RORA: variants seen among roughly 807,000 people sequenced by gnomAD.
RORA encodes RAR related orphan receptor A.
Under a neutral mutation model 69.5 loss-of-function variants are expected in RORA, and 7 were observed. The observed-to-expected ratio is 0.10, with a 90% CI of 0.06 to 0.19. RORA has a LOEUF of 0.19. Among genes scored for constraint, RORA ranks in the 10% least tolerant of loss-of-function variants. The pLI, the probability that RORA is intolerant of heterozygous loss-of-function variation, is 1.00. For missense variants in RORA, 457 were observed against 663.0 expected (o/e 0.69, Z 3.41); for synonymous variants, 261 against 240.8 (o/e 1.08, Z -0.78).
At chr15:60,964,385 G>T (rs905549146) in intron 1 of RORA, among the ~76,000 whole-genome samples, 1 of 152,188 alleles carries the variant, frequency 6.6e-6, no homozygotes, top group Non-Finnish European at 1.5e-5. Flanking sequence ...GGTATGGCTG[G>T]TGGAAGGTTG....
intron 1 of RORA, among the ~76,000 whole-genome samples, chr15:61,141,426 C>T (rs532047982): frequency 1.4e-3 from 207 of 152,146 alleles, no homozygotes; most frequent in Non-Finnish European, 2.2e-3. Flanking sequence ...TTAGGACTAG[C>T]GAGAGACACC....
At chr15:60,566,606 G>C (rs1442912346) in intron 2 of RORA, among the ~76,000 whole-genome samples, 7 of 152,200 alleles carry the variant, frequency 4.6e-5, no homozygotes. Flanking sequence ...TTGGGGAGAT[G>C]ACTAGATGAA....
rs968422536 is a variant in RORA at position 61,227,687 on chromosome 15, C to T, written c.166+1366G>A. 8.5e-5 allele frequency among the ~76,000 whole-genome samples: 13 copies of T among 152,116 alleles called. 1 individual carries two copies. The highest frequency in any genetic ancestry group is 2.6e-4 in the Admixed American group (4 of 15,272). On this transcript the variant is annotated intron_variant, in intron 1 of 10. Coordinates refer to ENST00000335670, the MANE Select transcript of RORA (RefSeq NM_134261.3). Reference sequence around the variant, plus strand: ...TCCTGGGGCCCCCATTCGCCTCTACCCAGCCCTCCCCAACCGCCGCCAGAA... The same window carrying T: ...TCCTGGGGCCCCCATTCGCCTCTACTCAGCCCTCCCCAACCGCCGCCAGAA...
chr15:61,096,953 T>C (rs1169172554), intron 1 of RORA, among the ~76,000 whole-genome samples: 1 of 152,224 alleles, frequency 6.6e-6, no homozygotes, highest in African/African-American at 2.4e-5. Context: ...ATCGCCCATG[T>C]AGAAGGCACA....
chr15:60,792,948 T>C (rs527424526), intron 1 of RORA, among the ~76,000 whole-genome samples: 1 of 152,088 alleles, frequency 6.6e-6, no homozygotes, highest in East Asian at 1.9e-4. Context: ...ACACATTGCC[T>C]CTTTGTCACA....
intron 1 of RORA, among the ~76,000 whole-genome samples, chr15:60,771,824 C>T (rs898487203): frequency 1.8e-4 from 28 of 152,188 alleles, no homozygotes; most frequent in African/African-American, 6.5e-4. Flanking sequence ...GGCCTGGTTC[C>T]TCCCCTACCT....
intron 1 of RORA, among the ~76,000 whole-genome samples, chr15:61,009,618 G>A (rs965395892): frequency 2.6e-5 from 4 of 152,174 alleles, no homozygotes; most frequent in Non-Finnish European, 5.9e-5. Context: ...GGAAACATCT[G>A]ATTTGTCTTG....
intron 1 of RORA, among the ~76,000 whole-genome samples, chr15:60,990,014 A>G (rs557849650): frequency 6.6e-6 from 1 of 152,320 alleles, no homozygotes; most frequent in South Asian, 2.1e-4. Flanking sequence ...TTTCCACTCA[A>G]ACACCCTGAG....
chr15:61,000,193 GTTC>G (rs1157147590), intron 1 of RORA, among the ~76,000 whole-genome samples: 2 of 152,150 alleles, frequency 1.3e-5, no homozygotes, highest in Admixed American at 6.5e-5. Flanking sequence ...TTGATGGTGA[GTTC>G]TTCTTGATGA....
intron 1 of RORA, among the ~76,000 whole-genome samples, chr15:60,975,211 G>T (rs933024114): frequency 7.9e-5 from 12 of 152,220 alleles, no homozygotes; most frequent in African/African-American, 2.9e-4. Context: ...AGGGCTTGGG[G>T]AGCAAGTCGC....
chr15:60,556,298 TAC>T (rs1356069992), intron 2 of RORA, among the ~76,000 whole-genome samples: 1 of 152,158 alleles, frequency 6.6e-6, no homozygotes, highest in African/African-American at 2.4e-5. Flanking sequence ...CAAGTGAAAA[TAC>T]ATTCTAAATC....
At chr15:60,589,168 C>A (rs1424954675) in intron 2 of RORA, among the ~76,000 whole-genome samples, 1 of 152,182 alleles carries the variant, frequency 6.6e-6, no homozygotes, top group African/African-American at 2.4e-5. Context: ...GCAATGGGTC[C>A]TTACAGTGAG....
intron 1 of RORA, among the ~76,000 whole-genome samples, chr15:60,711,629 C>G (rs1396005249): frequency 1.3e-5 from 2 of 152,198 alleles, no homozygotes; most frequent in African/African-American, 4.8e-5. Flanking sequence ...TCTGTCTTGT[C>G]AGAAGCACCC....
Position 60,491,131 on chromosome 15 carries a change from T to C in RORA, c.*6324A>G, listed in dbSNP as rs575872353. 2.0e-5 allele frequency: 3 copies of C among 152,218 alleles called. No individual in the cohort carries two copies. Among genetic ancestry groups the C allele is most frequent in the Non-Finnish European group, 4.4e-5 (3 of 68,016 alleles). The allele number at this position is 152,218 out of a possible 1,614,324, so 9.4% of individuals were successfully genotyped here. A position where few individuals can be genotyped will look rare whatever the true frequency, so the allele number is the denominator to read the frequency against. ...ATGTATACAGTACATATGGATTTTT[T>C]TTGTGAAATCATTTTCACTATATTG... On this transcript the variant is annotated 3_prime_UTR_variant, in exon 11 of 11. Coordinates refer to ENST00000335670, the MANE Select transcript of RORA (RefSeq NM_134261.3).
At chr15:60,562,978 T>C (rs1414331214) in intron 2 of RORA, among the ~76,000 whole-genome samples, 1 of 152,190 alleles carries the variant, frequency 6.6e-6, no homozygotes, top group East Asian at 1.9e-4. Context: ...TTAATCCGAG[T>C]GTACAAGGCA....
chr15:61,215,031 A>ATTTTTTTTTTTTT (rs61132940), intron 1 of RORA, among the ~76,000 whole-genome samples: 1 of 80,626 alleles, frequency 1.2e-5, no homozygotes, highest in African/African-American at 5.0e-5. Context: ...CGCCCAGCTA[A>ATTTTTTTTTTTTT]TTTTTTTTTT....
intron 2 of RORA, chr15:60,592,312 C>G (rs1448908912): frequency 2.7e-6 from 3 of 1,119,304 alleles, no homozygotes; most frequent in African/African-American, 3.3e-5. Flanking sequence ...GCGCCCACCC[C>G]TCCCCCTGCG....
intron 1 of RORA, among the ~76,000 whole-genome samples, chr15:60,824,956 T>G (rs1410046772): frequency 6.6e-6 from 1 of 152,184 alleles, no homozygotes; most frequent in Non-Finnish European, 1.5e-5. Flanking sequence ...TAAAATATCA[T>G]AAAGACAGTC....
intron 1 of RORA, among the ~76,000 whole-genome samples, chr15:60,957,427 C>T (rs1349201280): frequency 6.6e-6 from 1 of 152,228 alleles, no homozygotes; most frequent in Non-Finnish European, 1.5e-5. Context: ...ATGATTGTAG[C>T]TGTTGTTCCA....
Sources: allele counts gnomAD v4.1 joint callset (sites outside exome capture counted in the v4.1 genomes callset), GRCh38; gene constraint gnomAD v4.1.1; transcripts MANE v1.5; gene names NCBI Gene and HGNC (gene_info 2026-07-23, HGNC 2026-07-21).